Variants in LY96 observed in about 807,000 individuals in gnomAD.
The protein encoded by LY96 is lymphocyte antigen 96.
In LY96, 18 loss-of-function variants were observed where a neutral mutation model predicts 18.9. That is an observed-to-expected ratio of 0.95 (90% CI 0.66 to 1.41). The LOEUF (loss-of-function observed/expected upper bound fraction) is 1.41. Ranked by LOEUF, LY96 falls within the 40% of genes most tolerant of loss-of-function variation. LY96 has a pLI of 0.00. For synonymous variants in LY96, 66 were observed against 62.6 expected (o/e 1.06, Z -0.26); for missense variants, 175 against 182.4 (o/e 0.96, Z 0.23).
chr8:74,085,922 C>T, the LY96 span, among the ~76,000 whole-genome samples: 1 of 152,104 alleles, frequency 6.6e-6, no homozygotes, highest in Non-Finnish European at 1.5e-5. Flanking sequence ...CTACTGTCAG[C>T]AAATTTCAAA....
chr8:74,048,349 C>T, the LY96 span, among the ~76,000 whole-genome samples: 2 of 152,116 alleles, frequency 1.3e-5, no homozygotes, highest in East Asian at 1.9e-4. Context: ...GCAACCTCCA[C>T]CTCCCAGGTT....
chr8:74,068,075 A>ATATATATATATATATATATAT, the LY96 span, among the ~76,000 whole-genome samples: 2 of 99,344 alleles, frequency 2.0e-5, no homozygotes, highest in African/African-American at 1.2e-4. Context: ...AAAAAAAAAA[A>ATATATATATATATATATATAT]AAAAAAAAAA....
chr8:73,993,999 T>A (rs1489980466), intron 1 of LY96, among the ~76,000 whole-genome samples: 1 of 152,138 alleles, frequency 6.6e-6, no homozygotes, highest in South Asian at 2.1e-4. Context: ...TTTTTTTTTT[T>A]ACTTTGAGAC....
At chr8:74,001,590 G>A (rs1816270628) in intron 1 of LY96, among the ~76,000 whole-genome samples, 1 of 151,934 alleles carries the variant, frequency 6.6e-6, no homozygotes. Flanking sequence ...GGTGACTTAT[G>A]CCTGTAATGC....
At chr8:74,006,775 T>G (rs912466308) in intron 2 of LY96, among the ~76,000 whole-genome samples, 1 of 152,210 alleles carries the variant, frequency 6.6e-6, no homozygotes, top group African/African-American at 2.4e-5. Context: ...AAAGGATGAT[T>G]TACATAATGA....
At chr8:74,043,521 A>G in the LY96 span, among the ~76,000 whole-genome samples, 1 of 152,150 alleles carries the variant, frequency 6.6e-6, no homozygotes, top group Non-Finnish European at 1.5e-5. Context: ...GTCTTTTTGC[A>G]GGTTGAGGTT....
the LY96 span, chr8:74,048,755 A>G: frequency 1.1e-4 from 17 of 151,944 alleles, no homozygotes; most frequent in Admixed American, 3.3e-4. Context: ...CAACGGTGAC[A>G]TGCAAATTTG....
At chr8:74,020,051 T>A (rs1008225372) in intron 3 of LY96, among the ~76,000 whole-genome samples, 8 of 152,154 alleles carry the variant, frequency 5.3e-5, no homozygotes, top group Non-Finnish European at 8.8e-5. Flanking sequence ...CTCAACATAG[T>A]GTTGGAAGTT....
chr8:74,067,990 G>A, the LY96 span, among the ~76,000 whole-genome samples: 7 of 145,780 alleles, frequency 4.8e-5, no homozygotes, highest in South Asian at 1.6e-3. Context: ...GAACCCAGGA[G>A]GTGAAGGTTG....
the LY96 span, among the ~76,000 whole-genome samples, chr8:74,054,617 C>CTTCATTCTTTCTTTCT: frequency 2.9e-5 from 2 of 70,098 alleles, no homozygotes; most frequent in Non-Finnish European, 5.4e-5. Context: ...TTTCCTTTTC[C>CTTCATTCTTTCTTTCT]TTCTTTCTTT....
At chr8:74,066,502 C>T in the LY96 span, among the ~76,000 whole-genome samples, 4 of 151,758 alleles carry the variant, frequency 2.6e-5, no homozygotes, top group South Asian at 2.1e-4. Context: ...GGTAGGATAA[C>T]GTGGGTGTGA....
At chr8:74,041,778 G>A in the LY96 span, among the ~76,000 whole-genome samples, 8 of 152,200 alleles carry the variant, frequency 5.3e-5, no homozygotes, top group Non-Finnish European at 1.0e-4. Context: ...TGTTGTTTAA[G>A]ATGTTTATCA....
the LY96 span, among the ~76,000 whole-genome samples, chr8:74,062,807 T>C: frequency 0.028 from 4,337 of 152,260 alleles, 93 homozygotes; most frequent in Middle Eastern, 0.054. Flanking sequence ...TCACTGGCCA[T>C]AGTCATATGG....
At chr8:74,073,318 G>A in the LY96 span, among the ~76,000 whole-genome samples, 1 of 152,218 alleles carries the variant, frequency 6.6e-6, no homozygotes, top group Non-Finnish European at 1.5e-5. Context: ...TAGATCAACA[G>A]ATGTATGTGA....
chr8:74,020,759 A>G (rs1041624312), intron 3 of LY96, among the ~76,000 whole-genome samples: 2 of 152,216 alleles, frequency 1.3e-5, no homozygotes, highest in Non-Finnish European at 2.9e-5. Context: ...CCTCAGAAAT[A>G]ACACCACACA....
At position 74,027,865 on chromosome 8, in the gene LY96, G is replaced by A. The variant is rs191067849; in HGVS notation, c.384+1024G>A. 1.6e-3 allele frequency among the ~76,000 whole-genome samples: 249 copies of A among 152,206 alleles called. 1 individual carries two copies. The highest frequency in any genetic ancestry group is 5.4e-3 in the African/African-American group (223 of 41,518). On this transcript the variant is annotated intron_variant, in intron 4 of 4. Coordinates refer to ENST00000284818, the MANE Select transcript of LY96 (RefSeq NM_015364.5). ...CAGGAACTTTACTTAATCTAAATGG[G>A]TCTGGGTGCTGGGGTGATTACCTTT...
chr8:74,085,437 A>G, the LY96 span, among the ~76,000 whole-genome samples: 2 of 152,160 alleles, frequency 1.3e-5, no homozygotes, highest in Non-Finnish European at 2.9e-5. Flanking sequence ...CTTCCACTAG[A>G]CAGACCCAAG....
At chr8:74,037,437 T>C in the LY96 span, among the ~76,000 whole-genome samples, 1 of 152,044 alleles carries the variant, frequency 6.6e-6, no homozygotes, top group Non-Finnish European at 1.5e-5. Flanking sequence ...AAGACCAGCC[T>C]GAGCAACACT....
chr8:74,080,814 C>G, the LY96 span, among the ~76,000 whole-genome samples: 1 of 152,186 alleles, frequency 6.6e-6, no homozygotes, highest in Admixed American at 6.5e-5. Context: ...TTTGTTGACT[C>G]CTGGGAATAA....
Sources: gnomAD v4.1 joint callset for allele counts (sites outside exome capture counted in the v4.1 genomes callset) on GRCh38, gnomAD v4.1.1 for gene constraint, MANE v1.5 for transcripts, NCBI Gene and HGNC (gene_info 2026-07-23, HGNC 2026-07-21) for gene names.